Variants in PCDH9 observed in about 807,000 individuals in gnomAD.
PCDH9 encodes protocadherin-9.
A neutral mutation model predicts 70.6 loss-of-function variants in PCDH9; 24 were observed. That is an observed-to-expected ratio of 0.34 (90% CI 0.25 to 0.48). The LOEUF (loss-of-function observed/expected upper bound fraction) is 0.48. Ranked by LOEUF, PCDH9 falls within the 20% of genes least tolerant of loss-of-function variation. PCDH9 has a pLI of 0.99. For missense variants in PCDH9, 1,281 were observed against 1,503.6 expected (o/e 0.85, Z 2.45); for synonymous variants, 562 against 558.5 (o/e 1.01, Z -0.09).
At chr13:66,502,461 AACAC>A (rs1325528943) in intron 4 of PCDH9, among the ~76,000 whole-genome samples, 1 of 152,170 alleles carries the variant, frequency 6.6e-6, no homozygotes, top group African/African-American at 2.4e-5. Context: ...GATTTAAAGA[AACAC>A]ACAAGTGATA....
chr13:66,899,951 TAA>T (rs1033116816), intron 3 of PCDH9, among the ~76,000 whole-genome samples: 1 of 151,992 alleles, frequency 6.6e-6, no homozygotes, highest in African/African-American at 2.4e-5. Context: ...TGTTTGAAGG[TAA>T]AGTCTTTAGA....
At chr13:66,357,365 A>G (rs1264113980) in intron 4 of PCDH9, among the ~76,000 whole-genome samples, 2 of 152,094 alleles carry the variant, frequency 1.3e-5, no homozygotes, top group Non-Finnish European at 2.9e-5. Context: ...GAATTTCTTC[A>G]GGGTAACATC....
intron 2 of PCDH9, among the ~76,000 whole-genome samples, chr13:67,011,900 A>G (rs1440468927): frequency 1.3e-5 from 2 of 151,850 alleles, no homozygotes; most frequent in South Asian, 4.1e-4. Flanking sequence ...CCTATTTTGA[A>G]ATTCATCTTT....
intron 2 of PCDH9, among the ~76,000 whole-genome samples, chr13:67,056,985 T>A (rs970561213): frequency 2.6e-5 from 4 of 152,158 alleles, no homozygotes. Flanking sequence ...TACTACCATA[T>A]CTGTCAGATA....
intron 2 of PCDH9, among the ~76,000 whole-genome samples, chr13:66,996,757 T>A (rs969458031): frequency 6.6e-6 from 1 of 152,214 alleles, no homozygotes; most frequent in African/African-American, 2.4e-5. Flanking sequence ...AATAGTACTG[T>A]TTGGCTAGTA....
chr13:66,958,330 T>C (rs2083294394), intron 2 of PCDH9, among the ~76,000 whole-genome samples: 1 of 152,186 alleles, frequency 6.6e-6, no homozygotes, highest in Non-Finnish European at 1.5e-5. Context: ...TTTTGTAGAC[T>C]GGAAATAATA....
At chr13:66,999,894 C>G (rs1379190927) in intron 2 of PCDH9, among the ~76,000 whole-genome samples, 2 of 152,150 alleles carry the variant, frequency 1.3e-5, no homozygotes, top group Non-Finnish European at 2.9e-5. Context: ...GGACTGTAAA[C>G]TAGTTCAACC....
Position 67,227,917 on chromosome 13 carries a change from C to A in PCDH9, c.524G>T (p.Gly175Val), listed in dbSNP as rs1374331217. 1.9e-6 allele frequency: 3 copies of A among 1,614,128 alleles called. No homozygotes were observed. The highest frequency in any genetic ancestry group is 2.5e-6 in the Non-Finnish European group (3 of 1,180,014). ...ATTTAACAATTCATAATGCTGTACA[C>A]CATTGAAGCCTGTGTCAGGATCTGT... The part of the protein sequence containing the change: ...SATDPDTGFN[G>V]VQHYELLNGQ... Residue 175 changes from glycine (G) to valine (V), a missense_variant, in exon 2 of 5, where the codon GGT becomes GTT. Transcript: ENST00000377865. This position sits in a 1 kb window ranked among gnomAD's most constrained non-coding sequence, Gnocchi z 4.6.
chr13:66,583,142 A>G (rs1443791611), intron 4 of PCDH9, among the ~76,000 whole-genome samples: 1 of 149,766 alleles, frequency 6.7e-6, no homozygotes, highest in African/African-American at 2.5e-5. Context: ...TTTTGGCGTC[A>G]TGAACTATTT....
intron 2 of PCDH9, among the ~76,000 whole-genome samples, chr13:67,035,782 G>C (rs1258012994): frequency 6.6e-6 from 1 of 152,012 alleles, no homozygotes; most frequent in Admixed American, 6.6e-5. Flanking sequence ...ATCTTTAAAA[G>C]ATGCTCAGCT....
At chr13:66,796,324 G>T (rs2080240247) in intron 3 of PCDH9, among the ~76,000 whole-genome samples, 1 of 152,102 alleles carries the variant, frequency 6.6e-6, no homozygotes. Flanking sequence ...GCAGACCCTT[G>T]TCTGTAAAAC....
In PCDH9 at chr13:66,304,645, T is replaced by C. The variant is rs761745650; in HGVS notation, c.*10A>G. 1 of 1,609,016 alleles carries C rather than the reference T, an allele frequency of 6.2e-7. No homozygotes were observed. The highest frequency in any genetic ancestry group is 1.7e-5 in the Admixed American group (1 of 59,838). On this transcript the variant is annotated 3_prime_UTR_variant, in exon 5 of 5. Coordinates refer to ENST00000377865, the MANE Select transcript of PCDH9 (RefSeq NM_203487.3). ...CTATTTAAAGTTATTAGGTCCCATA[T>C]AGCCTTTTCTTAGAGTTGGTGCTCC... is the stretch of plus-strand genomic sequence containing the variant.
At chr13:66,358,574 T>C (rs1340870093) in intron 4 of PCDH9, among the ~76,000 whole-genome samples, 1 of 152,030 alleles carries the variant, frequency 6.6e-6, no homozygotes, top group African/African-American at 2.4e-5. Flanking sequence ...GTATACATTA[T>C]GTTTATAAAT....
In PCDH9 at chr13:67,225,555, G is replaced by C. The variant is rs192811737; in HGVS notation, c.2886C>G (p.His962Gln). The change falls in exon 2 of 5, where the codon CAC (histidine) becomes CAG (glutamine). Residue 962 changes from histidine to glutamine, a missense_variant. Around this residue, in one of 4 missense-constraint regions of PCDH9, gnomAD observed 207 missense variants for 191.8 expected, o/e 1.08. Coordinates refer to ENST00000377865, the MANE Select transcript of PCDH9 (RefSeq NM_203487.3). ...PDTPVSVKKH[H>Q]VIQELPLDNT... Reference sequence around the variant, plus strand: ...TGTCCAAAGGGAGTTCCTGAATCACGTGGTGCTTTTTCACGGAAACTGGAG... The same window carrying C: ...TGTCCAAAGGGAGTTCCTGAATCACCTGGTGCTTTTTCACGGAAACTGGAG... The C allele has an allele frequency of 3.1e-4, 494 of 1,614,086 alleles. 3 individuals carry two copies. The East Asian group carries it at 0.011, about 35-fold the overall frequency.
intron 4 of PCDH9, among the ~76,000 whole-genome samples, chr13:66,456,386 TG>T: frequency 6.6e-6 from 1 of 152,200 alleles, no homozygotes; most frequent in African/African-American, 2.4e-5. Context: ...CTCAATCTCC[TG>T]AGCGGCTAGG....
chr13:66,389,952 G>GAC (rs1180388203), intron 4 of PCDH9, among the ~76,000 whole-genome samples: 2 of 151,910 alleles, frequency 1.3e-5, no homozygotes, highest in African/African-American at 2.4e-5. Flanking sequence ...GTACCACATA[G>GAC]ACACACACAC....
intron 2 of PCDH9, among the ~76,000 whole-genome samples, chr13:67,063,687 G>A (rs1044177846): frequency 6.6e-6 from 1 of 152,032 alleles, no homozygotes; most frequent in Non-Finnish European, 1.5e-5. Flanking sequence ...GAGCCATTTG[G>A]GTTTGATTTT....
intron 4 of PCDH9, among the ~76,000 whole-genome samples, chr13:66,394,112 A>G (rs1210699310): frequency 6.6e-6 from 1 of 152,138 alleles, no homozygotes; most frequent in Non-Finnish European, 1.5e-5. Context: ...TCCAGTTAGA[A>G]CACTACTGTG....
intron 2 of PCDH9, among the ~76,000 whole-genome samples, chr13:67,194,664 G>T (rs2089011548): frequency 6.6e-6 from 1 of 152,002 alleles, no homozygotes; most frequent in Non-Finnish European, 1.5e-5. Context: ...ATTGTATTAG[G>T]TTTACCACCA....
Sources: gnomAD v4.1 joint callset for allele counts (sites outside exome capture counted in the v4.1 genomes callset) on GRCh38, gnomAD v4.1.1 for gene constraint, gnomAD v4.1.1 regional missense constraint, Gnocchi (gnomAD v3.1) non-coding constraint, MANE v1.5 for transcripts, NCBI Gene and HGNC (gene_info 2026-07-23, HGNC 2026-07-21) for gene names.